CCDC102B: variants seen among roughly 807,000 people sequenced by gnomAD.
CCDC102B encodes coiled-coil domain-containing protein 102B.
A neutral mutation model predicts 57.4 loss-of-function variants in CCDC102B; 75 were observed. The ratio of observed to expected loss-of-function variants is 1.31; its 90% confidence interval spans 1.08 to 1.58. The LOEUF is 1.58. Ranked by LOEUF, CCDC102B falls within the 40% of genes most tolerant of loss-of-function variation. The pLI is 0.00. For synonymous variants in CCDC102B, 206 were observed against 201.9 expected (o/e 1.02, Z -0.17); for missense variants, 636 against 582.6 (o/e 1.09, Z -0.94).
intron 2 of CCDC102B, among the ~76,000 whole-genome samples, chr18:68,792,993 C>G (rs60614238): frequency 0.017 from 2,524 of 152,192 alleles, 60 homozygotes; most frequent in African/African-American, 0.057. Context: ...ATAAGATTCA[C>G]TTATTGTCAT....
In CCDC102B at chr18:68,994,822, C is replaced by A. The variant is rs144412381; in HGVS notation, c.1264-16112C>A. On this transcript the variant is annotated intron_variant, in intron 6 of 7. Transcript: ENST00000360242. ...TTCTTTATAGCAGTGTGAAAACAGA[C>A]TGATAGAGTAAATTGCTACTGCAGA... is the stretch of plus-strand genomic sequence containing the variant. Among the ~76,000 whole-genome samples the A allele has an allele frequency of 6.5e-3, 983 of 152,252 alleles. 4 individuals carry two copies. The highest frequency in any genetic ancestry group is 9.6e-3 in the Non-Finnish European group (656 of 68,018).
intron 2 of CCDC102B, chr18:68,721,293 G>A (rs1415904324): frequency 6.6e-6 from 1 of 152,186 alleles, no homozygotes; most frequent in Non-Finnish European, 1.5e-5. Context: ...TGTTTCTTCT[G>A]ATGATCTAGA....
rs142326391 is a variant in CCDC102B at position 68,853,483 on chromosome 18, A to C, written c.936+7062A>C. 7.8e-3 allele frequency among the ~76,000 whole-genome samples: 1,190 copies of C among 152,080 alleles called. 5 individuals carry two copies. Among genetic ancestry groups the C allele is most frequent in the Non-Finnish European group, 1.0e-2 (678 of 67,960 alleles). On this transcript the variant is annotated intron_variant, in intron 4 of 7. Coordinates refer to ENST00000360242, the MANE Select transcript of CCDC102B (RefSeq NM_024781.3). ...TACTAAAAGTTGATTAGAGTATATA[A>C]AGCCAAAAAGCTAGGAAAAAGTATT...
intron 5 of CCDC102B, among the ~76,000 whole-genome samples, chr18:68,890,395 C>T (rs1386228649): frequency 6.6e-6 from 1 of 152,098 alleles, no homozygotes; most frequent in Non-Finnish European, 1.5e-5. Flanking sequence ...GCCACCACGC[C>T]TGACTAAATT....
chr18:68,894,481 A>G (rs993574200), intron 5 of CCDC102B, among the ~76,000 whole-genome samples: 3 of 151,890 alleles, frequency 2.0e-5, no homozygotes, highest in Non-Finnish European at 4.4e-5. Context: ...AAGCAAAGCA[A>G]TGGAATTCTA....
chr18:68,956,475 T>TATATATATA (rs1354883706), intron 6 of CCDC102B, among the ~76,000 whole-genome samples: 1 of 22,106 alleles, frequency 4.5e-5, no homozygotes, highest in African/African-American at 2.2e-4. Context: ...ATATATATTA[T>TATATATATA]ATATATATAA....
At chr18:68,759,283 G>T (rs376410284) in intron 2 of CCDC102B, among the ~76,000 whole-genome samples, 1 of 151,962 alleles carries the variant, frequency 6.6e-6, no homozygotes, top group Non-Finnish European at 1.5e-5. Context: ...AGATAAAGAA[G>T]AAAATGTTTA....
chr18:68,730,424 C>T (rs2032805482), intron 2 of CCDC102B, among the ~76,000 whole-genome samples: 1 of 151,934 alleles, frequency 6.6e-6, no homozygotes, highest in African/African-American at 2.4e-5. Flanking sequence ...AGACTTAGTC[C>T]AAGAGGATCA....
At chr18:68,747,847 A>C (rs1041498038) in intron 2 of CCDC102B, among the ~76,000 whole-genome samples, 2 of 152,090 alleles carry the variant, frequency 1.3e-5, no homozygotes, top group African/African-American at 4.8e-5. Context: ...TGTCTCTTTG[A>C]GATCTTCATT....
chr18:69,019,235 T>A (rs943832803), intron 7 of CCDC102B, among the ~76,000 whole-genome samples: 1 of 152,090 alleles, frequency 6.6e-6, no homozygotes, highest in Admixed American at 6.6e-5. Flanking sequence ...TTTTTTCTAT[T>A]TCTGTGAAAA....
chr18:68,998,698 C>T (rs1397098925), intron 6 of CCDC102B, among the ~76,000 whole-genome samples: 2 of 151,546 alleles, frequency 1.3e-5, no homozygotes, highest in East Asian at 3.9e-4. Flanking sequence ...CTTTCAAGGG[C>T]AGGAAGCATC....
chr18:68,919,772 T>G (rs2041209116), intron 6 of CCDC102B, among the ~76,000 whole-genome samples: 1 of 152,196 alleles, frequency 6.6e-6, no homozygotes, highest in African/African-American at 2.4e-5. Context: ...GGTATTGAGA[T>G]ATTGTAGTTT....
chr18:68,988,230 C>G (rs2050773444), intron 6 of CCDC102B, among the ~76,000 whole-genome samples: 1 of 151,096 alleles, frequency 6.6e-6, no homozygotes, highest in African/African-American at 2.5e-5. Flanking sequence ...GAAAAAAAAA[C>G]ATGTTTTTTG....
chr18:68,753,389 T>A (rs1473885256), intron 2 of CCDC102B: 1 of 152,118 alleles, frequency 6.6e-6, no homozygotes, highest in Non-Finnish European at 1.5e-5. Flanking sequence ...AACTTAGATA[T>A]CTCCAGTCTT....
chr18:68,968,996 G>A (rs1568360086), intron 6 of CCDC102B, among the ~76,000 whole-genome samples: 1 of 152,062 alleles, frequency 6.6e-6, no homozygotes, highest in African/African-American at 2.4e-5. Flanking sequence ...ATAAAGCTGG[G>A]AAAAATAAAT....
chr18:68,866,747 C>G (rs903916399), intron 4 of CCDC102B: 4 of 617,058 alleles, frequency 6.5e-6, no homozygotes, highest in South Asian at 5.9e-5. Flanking sequence ...TCTGGTATTG[C>G]TTTGAGTGCA....
At chr18:68,795,491 A>G (rs570204094), upstream of CCDC102B, among the ~76,000 whole-genome samples, 4 of 152,316 alleles carry the variant, frequency 2.6e-5, no homozygotes, top group South Asian at 8.3e-4. Context: ...GATGTCAGTC[A>G]GCAATACTCT....
chr18:68,897,357 A>C lies in CCDC102B; in HGVS notation c.1192A>C (p.Asn398His). ...AATGGAAGAGCTTTTGGATAAGAAA[A>C]ATAGATTAAGTGCAAACTCTCAAAG... ...KEMEELLDKK[N>H]RLSANSQSPD... The change falls in exon 6 of 8, where the codon AAT (asparagine) becomes CAT (histidine). Residue 398 changes from asparagine to histidine, a missense_variant. Transcript: ENST00000360242. 1.9e-6 allele frequency: 3 copies of C among 1,613,052 alleles called. No homozygotes were observed. Among genetic ancestry groups the C allele is most frequent in the Non-Finnish European group, 2.5e-6 (3 of 1,179,310 alleles).
At chr18:69,036,384 A>C (rs1346564082) in intron 7 of CCDC102B, among the ~76,000 whole-genome samples, 1 of 152,088 alleles carries the variant, frequency 6.6e-6, no homozygotes, top group Non-Finnish European at 1.5e-5. Flanking sequence ...ATTTTTGGGA[A>C]TCTACCCAGA....
Sources: allele counts gnomAD v4.1 joint callset (sites outside exome capture counted in the v4.1 genomes callset), GRCh38; gene constraint gnomAD v4.1.1; transcripts MANE v1.5; gene names NCBI Gene and HGNC (gene_info 2026-07-23, HGNC 2026-07-21).